Variants in SLC3A1 observed in about 807,000 individuals in gnomAD.
SLC3A1 encodes amino acid transporter heavy chain SLC3A1.
Under a neutral mutation model 60.3 loss-of-function variants are expected in SLC3A1, and 78 were observed. That is an observed-to-expected ratio of 1.29 (90% CI 1.08 to 1.56). The LOEUF is 1.56. Ranked by LOEUF, SLC3A1 falls within the 40% of genes most tolerant of loss-of-function variation. The pLI, the probability that SLC3A1 is intolerant of heterozygous loss-of-function variation, is 0.00. For missense variants in SLC3A1, 1,172 were observed against 858.9 expected (o/e 1.36, Z -4.56); for synonymous variants, 392 against 307.9 (o/e 1.27, Z -2.86).
intron 9 of SLC3A1, chr2:44,319,957 A>G (rs1664972509): frequency 4.0e-6 from 2 of 494,534 alleles, no homozygotes; most frequent in African/African-American, 3.9e-5. Flanking sequence ...AAACTCTACA[A>G]TGTAGCAGAG....
chr2:44,302,036 CAG>C (rs1413875617), intron 6 of SLC3A1, among the ~76,000 whole-genome samples: 1 of 152,162 alleles, frequency 6.6e-6, no homozygotes, highest in Non-Finnish European at 1.5e-5. Flanking sequence ...GTCTGGGCAA[CAG>C]AGCAATACTC....
rs774861444 is a variant in SLC3A1 at position 44,320,464 on chromosome 2, A to T, written c.1883A>T (p.Asp628Val). The change falls in exon 10 of 10, where the codon GAC (aspartate) becomes GTC (valine). Residue 628 changes from aspartate to valine, a missense_variant. Physicochemically the swap from Asp to Val is radical, Grantham distance 152. Transcript: ENST00000260649. Reference sequence around the variant, plus strand: ...ATAAGGTTAAGTACCAATTCTGCCGACAAAGGCAGTAAAGTTGATACAAGT... The same window carrying T: ...ATAAGGTTAAGTACCAATTCTGCCGTCAAAGGCAGTAAAGTTGATACAAGT... ...MRIRLSTNSA[D>V]KGSKVDTSGI... 5.6e-6 allele frequency: 9 copies of T among 1,614,180 alleles called. 1 individual carries two copies. The South Asian group carries it at 9.9e-5, about 18-fold the overall frequency.
At chr2:44,321,771 A>G (rs755372375), downstream of SLC3A1, 11 of 1,613,514 alleles carry the variant, frequency 6.8e-6, no homozygotes, top group African/African-American at 1.3e-5. Context: ...GAAAATGTGA[A>G]AACAACATGT....
At chr2:44,312,840 T>C in intron 8 of SLC3A1, 87 bp downstream of exon 8, 1 of 1,051,094 alleles carries the variant, frequency 9.5e-7, no homozygotes, top group Non-Finnish European at 1.4e-6. Context: ...GAACTTACTA[T>C]CTCTCTATTG....
At chr2:44,285,935 A>G (rs1031820576) in intron 3 of SLC3A1, 97 bp from the exon 4 acceptor site, 5 of 1,477,840 alleles carry the variant, frequency 3.4e-6, no homozygotes, top group Non-Finnish European at 4.7e-6. Flanking sequence ...CTCAGGATTT[A>G]CATACTCTGC....
chr2:44,285,188 G>A (rs1022934269), intron 3 of SLC3A1: 1 of 153,514 alleles, frequency 6.5e-6, no homozygotes, highest in African/African-American at 2.4e-5. Context: ...GAATTGGAAA[G>A]GGTGCATGTC....
At chr2:44,279,206 G>A (rs6725076) in intron 1 of SLC3A1, among the ~76,000 whole-genome samples, 80,378 of 151,866 alleles carry the variant, frequency 0.53, 21,814 homozygotes, top group Non-Finnish European at 0.6. Context: ...CACCATGTTG[G>A]CCAGGCTGGT....
chr2:44,293,538 T>G (rs1291040976), intron 4 of SLC3A1, among the ~76,000 whole-genome samples: 1 of 151,328 alleles, frequency 6.6e-6, no homozygotes, highest in Non-Finnish European at 1.5e-5. Context: ...AAAAAAGATA[T>G]AAGGACACGG....
Position 44,301,025 on chromosome 2 carries a change from A to T in SLC3A1, c.1034A>T (p.Glu345Val). ...AAGGACACGGTCACACAATACTCGG[A>T]GCTGTACCATGACTTCACCACCACG... ...QIPDTVTQYS[E>V]LYHDFTTTQV... The change falls in exon 6 of 10, where the codon GAG (glutamate) becomes GTG (valine). Residue 345 changes from glutamate (E) to valine (V), a missense_variant. Transcript: ENST00000260649. 6.2e-7 allele frequency: 1 copy of T among 1,614,170 alleles called. No individual in the cohort carries two copies. The highest frequency in any genetic ancestry group is 8.5e-7 in the Non-Finnish European group (1 of 1,180,036).
intron 7 of SLC3A1, among the ~76,000 whole-genome samples, chr2:44,306,935 T>C (rs765213304): frequency 1.3e-5 from 2 of 152,128 alleles, no homozygotes; most frequent in South Asian, 2.1e-4. Flanking sequence ...CACCAATGTC[T>C]CATTCCAGAG....
At chr2:44,276,011 G>GTT (rs748201363) in intron 1 of SLC3A1, 46 bp downstream of exon 1, 2 of 1,572,958 alleles carry the variant, frequency 1.3e-6, no homozygotes, top group Non-Finnish European at 1.7e-6. Flanking sequence ...GATGAGATTG[G>GTT]TTTATGGTTC....
chr2:44,292,552 G>A (rs982189636), intron 4 of SLC3A1, among the ~76,000 whole-genome samples: 2 of 152,032 alleles, frequency 1.3e-5, no homozygotes, highest in Admixed American at 1.3e-4. Context: ...TTAAACAGGC[G>A]ATTACAATAA....
intron 3 of SLC3A1, 38 bp downstream of exon 3, chr2:44,281,579 G>A (rs1290458678): frequency 1.9e-6 from 3 of 1,599,046 alleles, no homozygotes; most frequent in East Asian, 4.5e-5. Context: ...AGGGGTAAAA[G>A]GCAGATATGT....
At chr2:44,321,976 CT>C, downstream of SLC3A1, 1 of 1,421,702 alleles carries the variant, frequency 7.0e-7, no homozygotes, top group Non-Finnish European at 9.5e-7. Context: ...CATTCCTCCC[CT>C]CTTCTTTGAG....
At chr2:44,306,339 T>C (rs1347967234) in intron 7 of SLC3A1, among the ~76,000 whole-genome samples, 1 of 152,158 alleles carries the variant, frequency 6.6e-6, no homozygotes, top group Admixed American at 6.5e-5. Context: ...GCAGAATCTG[T>C]GAACCACAAT....
In SLC3A1 at chr2:44,311,157, T is replaced by C. The variant is rs1029456485; in HGVS notation, c.1333-1429T>C. ...CTCTCAATTGAGTCTTCAAGTTTTCTGATTCCTTTGCTAGTTCAAATTTGT... is the reference window on the plus strand; with the variant it reads ...CTCTCAATTGAGTCTTCAAGTTTTCCGATTCCTTTGCTAGTTCAAATTTGT... On this transcript the variant is annotated intron_variant, in intron 7 of 9. Coordinates refer to ENST00000260649, the MANE Select transcript of SLC3A1 (RefSeq NM_000341.4). Among the ~76,000 whole-genome samples the C allele has an allele frequency of 1.5e-4, 23 of 152,214 alleles. 1 individual carries two copies. The highest frequency in any genetic ancestry group is 1.4e-3 in the Admixed American group (22 of 15,274).
chr2:44,295,712 C>T (rs1671833095), intron 4 of SLC3A1, among the ~76,000 whole-genome samples: 1 of 152,206 alleles, frequency 6.6e-6, no homozygotes, highest in Non-Finnish European at 1.5e-5. Context: ...TTTCACAATG[C>T]TGAGATCCGG....
intron 4 of SLC3A1, among the ~76,000 whole-genome samples, chr2:44,291,752 A>G (rs908576526): frequency 6.6e-6 from 1 of 152,122 alleles, no homozygotes; most frequent in Non-Finnish European, 1.5e-5. Flanking sequence ...TTGCTTGCAT[A>G]CCAACTTGTA....
intron 4 of SLC3A1, among the ~76,000 whole-genome samples, chr2:44,292,151 C>T (rs76250892): frequency 0.019 from 2,852 of 152,118 alleles, 92 homozygotes; most frequent in African/African-American, 0.065. Flanking sequence ...GGCCTGGCCT[C>T]GTATCTGGGG....
Sources: allele counts gnomAD v4.1 joint callset (sites outside exome capture counted in the v4.1 genomes callset), GRCh38; gene constraint gnomAD v4.1.1; transcripts MANE v1.5; gene names NCBI Gene and HGNC (gene_info 2026-07-23, HGNC 2026-07-21).